RBM12: variants seen among roughly 807,000 people sequenced by gnomAD.
RBM12 encodes RNA-binding protein 12.
Under a neutral mutation model 37.2 loss-of-function variants are expected in RBM12, and 24 were observed. That is an observed-to-expected ratio of 0.65 (90% CI 0.47 to 0.91). The LOEUF (loss-of-function observed/expected upper bound fraction) is 0.91. Among genes scored for constraint, RBM12 ranks in the 40% least tolerant of loss-of-function variants. The pLI, the probability that RBM12 is intolerant of heterozygous loss-of-function variation, is 0.00. For missense variants in RBM12, 1,061 were observed against 1,183.2 expected, an observed-to-expected ratio of 0.90 and a Z score of 1.52; for synonymous variants, 420 against 425.2, an observed-to-expected ratio of 0.99 and a Z score of 0.15.
chr20:35,652,516 G>A lies in RBM12; in HGVS notation c.*8C>T, dbSNP rs1385619847. 1.2e-6 allele frequency: 2 copies of A among 1,601,436 alleles called. No individual in the cohort carries two copies. The highest frequency in any genetic ancestry group is 8.5e-7 in the Non-Finnish European group (1 of 1,175,302). The stretch of plus-strand genomic sequence containing the variant: ...GAAGATCTACCCTATAAAAAATGAT[G>A]TGAATGGCTACCCTAATACAAGTTT... On this transcript the variant is annotated 3_prime_UTR_variant, in exon 3 of 3. Transcript: ENST00000374114.
intron 1 of RBM12, 107 bp from the exon 2 acceptor site, chr20:35,659,121 T>C (rs576250971): frequency 3.5e-5 from 15 of 433,572 alleles, no homozygotes; most frequent in Non-Finnish European, 5.5e-5. Context: ...ACCAGAGTAC[T>C]TCATTAGAAT....
intron 1 of RBM12, among the ~76,000 whole-genome samples, chr20:35,664,084 C>T (rs6121020): frequency 0.26 from 39,226 of 151,922 alleles, 5,878 homozygotes; most frequent in African/African-American, 0.42. Flanking sequence ...ACCCCCTCAC[C>T]TCCTAGCTTC....
Sources: allele counts gnomAD v4.1 joint callset (sites outside exome capture counted in the v4.1 genomes callset), GRCh38; gene constraint gnomAD v4.1.1; transcripts MANE v1.5; gene names NCBI Gene and HGNC (gene_info 2026-07-23, HGNC 2026-07-21).